SND1: variants seen among roughly 807,000 people sequenced by gnomAD.
SND1 encodes staphylococcal nuclease domain-containing protein 1.
In SND1, 38 loss-of-function variants were observed where a neutral mutation model predicts 121.7. That is an observed-to-expected ratio of 0.31 (90% CI 0.24 to 0.41). The LOEUF (loss-of-function observed/expected upper bound fraction) is 0.41, where lower values mean the gene tolerates loss of function less well. Ranked by LOEUF, SND1 falls within the 10% of genes least tolerant of loss-of-function variation. SND1 has a pLI of 1.00. For missense variants in SND1, 868 were observed against 1,184.6 expected, an observed-to-expected ratio of 0.73 and a Z score of 3.92; for synonymous variants, 401 against 447.4, an observed-to-expected ratio of 0.90 and a Z score of 1.31.
intron 12 of SND1, among the ~76,000 whole-genome samples, chr7:127,883,834 G>A (rs1799843549): frequency 6.6e-6 from 1 of 152,000 alleles, no homozygotes; most frequent in Admixed American, 6.6e-5. Flanking sequence ...CAGTTATTTT[G>A]GTTTGTCTGA....
intron 10 of SND1, among the ~76,000 whole-genome samples, chr7:127,791,201 T>G (rs1208653002): frequency 7.0e-6 from 1 of 143,530 alleles, no homozygotes; most frequent in Admixed American, 7.6e-5. Context: ...CTGGCTGGAG[T>G]GCAGTGGTGC....
rs1166787022 is a variant in SND1 at position 127,873,768 on chromosome 7, C to G, written c.1344-14134C>G. ...TCAAGTGTTCTTCCCACAACAGCAT[C>G]CCAAGTAGTTGGGACTATAGGCACA... On this transcript the variant is annotated intron_variant, in intron 12 of 23. Coordinates refer to ENST00000354725, the MANE Select transcript of SND1 (RefSeq NM_014390.4). Among the ~76,000 whole-genome samples the G allele has an allele frequency of 1.3e-5, 2 of 152,158 alleles. 1 individual carries two copies.
At chr7:128,067,472 A>G (rs1339031320) in intron 16 of SND1, among the ~76,000 whole-genome samples, 1 of 152,132 alleles carries the variant, frequency 6.6e-6, no homozygotes, top group Non-Finnish European at 1.5e-5. Context: ...CCACCCTGCT[A>G]CCTGGAAGAA....
chr7:127,823,955 A>G (rs1376624203), intron 11 of SND1, among the ~76,000 whole-genome samples: 1 of 152,224 alleles, frequency 6.6e-6, no homozygotes, highest in Non-Finnish European at 1.5e-5. Flanking sequence ...AGAGTGATGC[A>G]TTTTATTTAC....
intron 12 of SND1, among the ~76,000 whole-genome samples, chr7:127,884,344 T>C (rs905109643): frequency 2.6e-5 from 4 of 152,154 alleles, no homozygotes; most frequent in African/African-American, 9.6e-5. Context: ...TGTGTGGCAG[T>C]CATGAAAATG....
At chr7:127,747,988 A>G (rs1797011586) in intron 10 of SND1, among the ~76,000 whole-genome samples, 1 of 152,196 alleles carries the variant, frequency 6.6e-6, no homozygotes, top group South Asian at 2.1e-4. Flanking sequence ...TACTCCATGT[A>G]TGTGTTATTG....
At chr7:127,938,071 A>T (rs1763586892) in intron 15 of SND1, among the ~76,000 whole-genome samples, 1 of 152,214 alleles carries the variant, frequency 6.6e-6, no homozygotes, top group Non-Finnish European at 1.5e-5. Context: ...TCCCAGTTTG[A>T]TTCTGTCTCC....
intron 12 of SND1, among the ~76,000 whole-genome samples, chr7:127,845,670 A>G (rs1799046649): frequency 6.6e-6 from 1 of 152,204 alleles, no homozygotes. Flanking sequence ...TTTTACTGCC[A>G]CAGAAAGCCA....
At position 127,807,505 on chromosome 7, in the gene SND1, C is replaced by A. The variant is rs781341519; in HGVS notation, c.1174C>A (p.Pro392Thr). The A allele has an allele frequency of 1.2e-6, 2 of 1,613,938 alleles. No homozygotes were observed. The highest frequency in any genetic ancestry group is 1.7e-4 in the Middle Eastern group (1 of 6,060). Reference sequence around the variant, plus strand: ...TTAGGATAAGAACAAGAAACTGCGTCCCCTGTATGACATTCCTTACATGTT... The same window carrying A: ...TTAGGATAAGAACAAGAAACTGCGTACCCTGTATGACATTCCTTACATGTT... The part of the protein sequence containing the change: ...NTQDKNKKLR[P>T]LYDIPYMFEA... The change falls in exon 11 of 24, where the codon CCC becomes ACC. Residue 392 changes from proline (P) to threonine (T), a missense_variant. This residue lies in a region of SND1 where 743 missense variants were observed against 1,071.3 expected (regional missense o/e 0.69). Coordinates refer to ENST00000354725, the MANE Select transcript of SND1 (RefSeq NM_014390.4).
At chr7:127,669,248 C>T (rs1030423863) in intron 1 of SND1, among the ~76,000 whole-genome samples, 1 of 152,204 alleles carries the variant, frequency 6.6e-6, no homozygotes, top group Non-Finnish European at 1.5e-5. Flanking sequence ...ACCTTGGCCT[C>T]CCAAAGTGCT....
intron 15 of SND1, among the ~76,000 whole-genome samples, chr7:127,955,232 A>G (rs1801564729): frequency 6.6e-6 from 1 of 152,178 alleles, no homozygotes; most frequent in Admixed American, 6.5e-5. Flanking sequence ...TTTTCAGCAC[A>G]TGAGCAAGTA....
chr7:127,703,454 C>A (rs1276829898), intron 7 of SND1, 131 bp downstream of exon 7: 7 of 1,088,438 alleles, frequency 6.4e-6, no homozygotes, highest in Admixed American at 5.4e-5. Context: ...TGGCTCACGC[C>A]TGTAATCCCA....
intron 16 of SND1, chr7:128,030,364 C>T (rs759416959): frequency 8.1e-6 from 13 of 1,613,826 alleles, no homozygotes; most frequent in African/African-American, 2.7e-5. Flanking sequence ...CGGAAGGTGT[C>T]GGCCTGGATC....
At chr7:127,678,594 A>G (rs940754159) in intron 1 of SND1, among the ~76,000 whole-genome samples, 14 of 152,192 alleles carry the variant, frequency 9.2e-5, no homozygotes, top group African/African-American at 3.4e-4. Flanking sequence ...ACATACGCAC[A>G]CACACACAAA....
At chr7:127,691,131 G>T (rs1795906052) in intron 2 of SND1, among the ~76,000 whole-genome samples, 1 of 151,970 alleles carries the variant, frequency 6.6e-6, no homozygotes. Flanking sequence ...ATGTTTTCAT[G>T]AGAAATATAG....
At chr7:128,063,908 G>A (rs1793271416) in intron 16 of SND1, among the ~76,000 whole-genome samples, 1 of 152,228 alleles carries the variant, frequency 6.6e-6, no homozygotes, top group African/African-American at 2.4e-5. Context: ...AATAATGAAG[G>A]CCACAATGGC....
At chr7:127,960,367 T>C (rs1801702982) in intron 15 of SND1, among the ~76,000 whole-genome samples, 1 of 152,202 alleles carries the variant, frequency 6.6e-6, no homozygotes, top group African/African-American at 2.4e-5. Context: ...ACCCCAGCTA[T>C]TGCCACAACC....
intron 15 of SND1, among the ~76,000 whole-genome samples, chr7:127,979,364 G>C (rs950826931): frequency 6.6e-6 from 1 of 152,240 alleles, no homozygotes. Context: ...GAACGAGGGA[G>C]GGGAAGGGGC....
chr7:128,086,672 C>T (rs1793692646), intron 20 of SND1: 1 of 548,374 alleles, frequency 1.8e-6, no homozygotes, highest in African/African-American at 1.9e-5. Context: ...TCCAGTTATA[C>T]TGCGATTGTT....
Sources: allele counts gnomAD v4.1 joint callset (sites outside exome capture counted in the v4.1 genomes callset), GRCh38; gene constraint gnomAD v4.1.1; regional missense constraint gnomAD v4.1.1; transcripts MANE v1.5; gene names NCBI Gene and HGNC (gene_info 2026-07-23, HGNC 2026-07-21).